ANKS1B: variants seen among roughly 807,000 people sequenced by gnomAD.
ANKS1B encodes the protein ankyrin repeat and sterile alpha motif domain containing 1B.
In ANKS1B, 36 loss-of-function variants were observed where a neutral mutation model predicts 148.3. That is an observed-to-expected ratio of 0.24 (90% confidence interval 0.19 to 0.32). The LOEUF (loss-of-function observed/expected upper bound fraction) is 0.32, where lower values mean the gene tolerates loss of function less well. ANKS1B is among the 10% of genes least tolerant of loss of function. ANKS1B has a pLI of 1.00. For missense variants in ANKS1B, 1,157 were observed against 1,542.6 expected, an observed-to-expected ratio of 0.75 and a Z score of 4.19; for synonymous variants, 542 against 560.8, an observed-to-expected ratio of 0.97 and a Z score of 0.47.
At chr12:99,327,261 A>AAATAATTATAATTTATTATAATTATAAC (rs2086568467) in intron 12 of ANKS1B, among the ~76,000 whole-genome samples, 2 of 112,226 alleles carry the variant, frequency 1.8e-5, no homozygotes, top group Non-Finnish European at 3.4e-5. Context: ...ATAATTATAT[A>AAATAATTATAATTTATTATAATTATAAC]AATAATTATA....
chr12:99,237,045 T>C (rs925769472), intron 14 of ANKS1B, among the ~76,000 whole-genome samples: 4 of 152,122 alleles, frequency 2.6e-5, no homozygotes, highest in Non-Finnish European at 5.9e-5. Flanking sequence ...CAAACCTCCA[T>C]GATACAAGTT....
Position 99,266,899 on chromosome 12 carries a change from T to C in ANKS1B, c.1757-20035A>G, listed in dbSNP as rs182895279. Among the ~76,000 whole-genome samples, 390 of 152,330 alleles carry C rather than the reference T, an allele frequency of 2.6e-3. 4 individuals are homozygous for C. The highest frequency in any genetic ancestry group is 0.02 in the Middle Eastern group (6 of 294). Reference sequence around the variant, plus strand: ...GTGTTCTTGATGTTTGCTAGGTAGCTGAGCAATAGTCCCTGTCAAAACGTT... The same window carrying C: ...GTGTTCTTGATGTTTGCTAGGTAGCCGAGCAATAGTCCCTGTCAAAACGTT... On this transcript the variant is annotated intron_variant, in intron 12 of 26. Transcript: ENST00000683438.
chr12:99,450,349 C>T (rs375304648), intron 10 of ANKS1B, among the ~76,000 whole-genome samples: 1 of 152,186 alleles, frequency 6.6e-6, no homozygotes. Context: ...TTCACAGATA[C>T]ATCCCAAATA....
intron 9 of ANKS1B, among the ~76,000 whole-genome samples, chr12:99,577,170 TTC>T (rs1212188241): frequency 2.0e-5 from 3 of 151,878 alleles, no homozygotes; most frequent in South Asian, 4.1e-4. Context: ...CATCCAGTCT[TTC>T]TCTGAGTTTT....
chr12:99,109,220 C>T (rs923968081), intron 15 of ANKS1B, among the ~76,000 whole-genome samples: 1 of 152,086 alleles, frequency 6.6e-6, no homozygotes, highest in Non-Finnish European at 1.5e-5. Context: ...TCTCAGGATG[C>T]CTGTTTTTAT....
chr12:99,238,639 G>A (rs1400108029), intron 14 of ANKS1B, among the ~76,000 whole-genome samples: 1 of 152,178 alleles, frequency 6.6e-6, no homozygotes, highest in Non-Finnish European at 1.5e-5. Flanking sequence ...AGCCTGACTG[G>A]GAGACATCTC....
intron 12 of ANKS1B, among the ~76,000 whole-genome samples, chr12:99,314,291 T>C (rs1309724931): frequency 2.0e-5 from 3 of 152,174 alleles, no homozygotes; most frequent in Non-Finnish European, 4.4e-5. Flanking sequence ...AGGAAGAACA[T>C]TCCATCCTCA....
At chr12:99,850,242 T>C (rs919941209) in intron 1 of ANKS1B, among the ~76,000 whole-genome samples, 102 of 146,948 alleles carry the variant, frequency 6.9e-4, no homozygotes, top group African/African-American at 2.5e-3. Flanking sequence ...TCCCAAAATA[T>C]GGTATCTTCG....
At chr12:99,697,731 C>T (rs2054151885) in intron 8 of ANKS1B, among the ~76,000 whole-genome samples, 1 of 152,042 alleles carries the variant, frequency 6.6e-6, no homozygotes, top group Non-Finnish European at 1.5e-5. Context: ...CCTATATAAA[C>T]AATGAACTTT....
At chr12:99,539,040 T>C (rs1303323232) in intron 9 of ANKS1B, among the ~76,000 whole-genome samples, 1 of 152,204 alleles carries the variant, frequency 6.6e-6, no homozygotes, top group South Asian at 2.1e-4. Context: ...ATATATCACA[T>C]TGATTTGTGT....
At chr12:99,128,864 T>G (rs991373730) in intron 15 of ANKS1B, among the ~76,000 whole-genome samples, 1 of 152,058 alleles carries the variant, frequency 6.6e-6, no homozygotes, top group Non-Finnish European at 1.5e-5. Flanking sequence ...GAAACTGAAT[T>G]TGAGTTTATG....
intron 17 of ANKS1B, among the ~76,000 whole-genome samples, chr12:98,846,906 A>C (rs1412200560): frequency 6.6e-6 from 1 of 152,226 alleles, no homozygotes; most frequent in Non-Finnish European, 1.5e-5. Flanking sequence ...GAAAAAATGA[A>C]GTCTCTTTGT....
intron 15 of ANKS1B, among the ~76,000 whole-genome samples, chr12:99,098,689 TCATGTTG>T (rs2057057695): frequency 1.4e-5 from 2 of 144,580 alleles, no homozygotes; most frequent in East Asian, 2.1e-4. Context: ...TCTTCTAGTT[TCATGTTG>T]TTTTTGCTGG....
Position 98,829,194 on chromosome 12 carries a change from G to A in ANKS1B, c.3046C>T (p.Leu1016=). The A allele has an allele frequency of 6.2e-7, 1 of 1,614,002 alleles. No individual in the cohort carries two copies. Among genetic ancestry groups the A allele is most frequent in the Non-Finnish European group, 8.5e-7 (1 of 1,179,874 alleles). ...CTTACCTGAGCCATCTGCCTCTCCA[G>A]TTTTGATCGGGGAATATCATCAAAG... ...NYFDDIPRSK[L]ERQMAQQSSV... is the part of the protein sequence containing the mutation. Residue 1016 remains leucine (L), a synonymous_variant, in exon 19 of 27, where the codon CTG becomes TTG. Coordinates refer to ENST00000683438, the MANE Select transcript of ANKS1B (RefSeq NM_001352186.2). This position sits in a 1 kb window ranked among gnomAD's most constrained non-coding sequence, Gnocchi z 5.2.
chr12:98,826,342 G>C (rs1302245030), intron 19 of ANKS1B, among the ~76,000 whole-genome samples: 1 of 152,104 alleles, frequency 6.6e-6, no homozygotes, highest in African/African-American at 2.4e-5. Context: ...CCATTCTAGT[G>C]TTTTATTTTA....
chr12:99,033,328 G>A (rs927387503), intron 17 of ANKS1B, among the ~76,000 whole-genome samples: 1 of 152,284 alleles, frequency 6.6e-6, no homozygotes, highest in East Asian at 1.9e-4. Context: ...TGTGTAAGTA[G>A]TTGCAGTACA....
At chr12:99,330,804 G>C (rs1311881308) in intron 12 of ANKS1B, among the ~76,000 whole-genome samples, 1 of 151,942 alleles carries the variant, frequency 6.6e-6, no homozygotes, top group Non-Finnish European at 1.5e-5. Context: ...CATCTAATGT[G>C]CTAGCTTATA....
intron 16 of ANKS1B, among the ~76,000 whole-genome samples, chr12:99,056,695 C>G (rs1260327771): frequency 6.6e-6 from 1 of 152,192 alleles, no homozygotes; most frequent in African/African-American, 2.4e-5. Flanking sequence ...TATGTCTAAA[C>G]AGTACATTAA....
Position 98,938,489 on chromosome 12 carries a change from G to A in ANKS1B, c.2779-106353C>T, listed in dbSNP as rs960523008. Among the ~76,000 whole-genome samples the A allele has an allele frequency of 4.6e-5, 7 of 152,318 alleles. 1 individual carries two copies. In the Middle Eastern group the frequency reaches 0.01, roughly 222 times the overall value. ...TAAAAGCTCCCCAGATGATTTTCAT[G>A]TGCAGGCAGGGCTGAGAACCATTGT... On this transcript the variant is annotated intron_variant, in intron 17 of 26. Transcript: ENST00000683438.
Sources: gnomAD v4.1 joint callset for allele counts (sites outside exome capture counted in the v4.1 genomes callset) on GRCh38, gnomAD v4.1.1 for gene constraint, Gnocchi (gnomAD v3.1) non-coding constraint, MANE v1.5 for transcripts, NCBI Gene and HGNC (gene_info 2026-07-23, HGNC 2026-07-21) for gene names.